Variants in APBA2 observed in about 807,000 individuals in gnomAD.
The protein encoded by APBA2 is amyloid beta precursor protein binding family A member 2, also known as amyloid-beta A4 precursor protein-binding family A member 2.
A neutral mutation model predicts 75.0 loss-of-function variants in APBA2; 30 were observed. The ratio of observed to expected loss-of-function variants is 0.40; its 90% CI spans 0.30 to 0.54. The LOEUF is 0.54. Ranked by LOEUF, APBA2 falls within the 20% of genes least tolerant of loss-of-function variation. The pLI, the probability that APBA2 is intolerant of heterozygous loss-of-function variation, is 0.49. For synonymous variants in APBA2, 444 were observed against 409.6 expected (o/e 1.08, Z -1.01); for missense variants, 801 against 1,016.1 (o/e 0.79, Z 2.88).
At chr15:28,973,351 A>G (rs989399852) in intron 2 of APBA2, among the ~76,000 whole-genome samples, 16 of 152,364 alleles carry the variant, frequency 1.1e-4, no homozygotes, top group Middle Eastern at 6.8e-3. Flanking sequence ...TAGTTGACAC[A>G]TGAAATATTT....
intron 2 of APBA2, among the ~76,000 whole-genome samples, chr15:28,922,319 A>G (rs7178826): frequency 0.19 from 28,533 of 152,134 alleles, 3,887 homozygotes; most frequent in African/African-American, 0.37. Flanking sequence ...CCCAGGCACC[A>G]CCAGTGTGGG....
chr15:29,060,662 C>T (rs1054338332), intron 4 of APBA2, among the ~76,000 whole-genome samples: 10 of 152,154 alleles, frequency 6.6e-5, no homozygotes, highest in African/African-American at 2.2e-4. Context: ...GTAAAATGTC[C>T]CCATCTCAGT....
At position 29,094,151 on chromosome 15, in the gene APBA2, G is replaced by A. The variant is rs750818570; in HGVS notation, c.1216-127G>A. The A allele has an allele frequency of 4.6e-5, 45 of 976,086 alleles. No individual in the cohort carries two copies. In the Middle Eastern group the frequency reaches 6.2e-4, roughly 13 times the overall value. 60.5% of individuals were successfully genotyped at this position (976,086 alleles called of 1,614,324 possible). A position where few individuals can be genotyped will look rare whatever the true frequency, so the allele number is the denominator to read the frequency against. ...TGAAGTGGGCAATGGCTGTCCACCC[G>A]TCCCTGCTGGGCTTTGCTAGGCACC... is the stretch of plus-strand genomic sequence containing the variant. On this transcript the variant is annotated intron_variant, in intron 7 of 14. Transcript: ENST00000683413.
chr15:29,037,016 T>C, intron 3 of APBA2, among the ~76,000 whole-genome samples: 1 of 149,438 alleles, frequency 6.7e-6, no homozygotes, highest in South Asian at 2.1e-4. Context: ...AGAGACCCTG[T>C]CTCCAAAAAA....
intron 1 of APBA2, among the ~76,000 whole-genome samples, chr15:28,898,782 C>A (rs929841659): frequency 5.3e-5 from 8 of 152,140 alleles, no homozygotes; most frequent in Admixed American, 2.0e-4. Flanking sequence ...TCTTCTACTG[C>A]TAGAACAATA....
chr15:28,901,029 C>A (rs2032819788), intron 1 of APBA2, among the ~76,000 whole-genome samples: 2 of 152,186 alleles, frequency 1.3e-5, no homozygotes, highest in Admixed American at 1.3e-4. Context: ...CAGCTCCACA[C>A]CCCGTCCCAT....
intron 3 of APBA2, among the ~76,000 whole-genome samples, chr15:29,051,311 C>T (rs889281584): frequency 2.6e-5 from 4 of 152,064 alleles, no homozygotes; most frequent in African/African-American, 9.7e-5. Context: ...TCAGGGTTTG[C>T]GAATGGGGTG....
intron 8 of APBA2, among the ~76,000 whole-genome samples, chr15:29,095,494 C>T (rs1256033677): frequency 6.6e-6 from 1 of 152,220 alleles, no homozygotes; most frequent in African/African-American, 2.4e-5. Flanking sequence ...TTAGTAAATG[C>T]TAGAGCTTTT....
chr15:28,995,310 C>A (rs2152791964), intron 2 of APBA2, among the ~76,000 whole-genome samples: 1 of 152,310 alleles, frequency 6.6e-6, no homozygotes, highest in African/African-American at 2.4e-5. Context: ...GGTCCTCCTT[C>A]CTCTCTTCAC....
intron 1 of APBA2, among the ~76,000 whole-genome samples, chr15:28,915,634 A>G: frequency 6.7e-6 from 1 of 150,082 alleles, no homozygotes; most frequent in Non-Finnish European, 1.5e-5. Flanking sequence ...CACACACACT[A>G]TACACATACC....
chr15:28,971,786 C>A (rs1433698801), intron 2 of APBA2, among the ~76,000 whole-genome samples: 1 of 152,192 alleles, frequency 6.6e-6, no homozygotes, highest in Non-Finnish European at 1.5e-5. Context: ...TGTTCCTGAG[C>A]AAGCCACACA....
In APBA2 at chr15:29,060,716, A is replaced by G. The variant is rs2042095892; in HGVS notation, c.951+5881A>G. Among the ~76,000 whole-genome samples, 2 of 152,186 alleles carry G rather than the reference A, an allele frequency of 1.3e-5. 1 individual carries two copies. The highest frequency in any genetic ancestry group is 4.1e-4 in the South Asian group (2 of 4,830). On this transcript the variant is annotated intron_variant, in intron 4 of 14. Coordinates refer to ENST00000683413, the MANE Select transcript of APBA2 (RefSeq NM_001353788.2). Reference sequence around the variant, plus strand: ...CACCAGGGCTCAGGCCACAGATCAAACAAGTCAAGTAAAGATTGTTCATGT... The same window carrying G: ...CACCAGGGCTCAGGCCACAGATCAAGCAAGTCAAGTAAAGATTGTTCATGT...
chr15:29,104,584 T>C (rs1353115994), intron 10 of APBA2, among the ~76,000 whole-genome samples: 1 of 152,246 alleles, frequency 6.6e-6, no homozygotes, highest in Non-Finnish European at 1.5e-5. Context: ...TCATGGGGCC[T>C]GTGTGGAGTC....
rs1355322690 is a variant in APBA2 at position 29,067,140 on chromosome 15, G to A, written c.952-7781G>A. On this transcript the variant is annotated intron_variant, in intron 4 of 14. Transcript: ENST00000683413. ...AAAGTAAAACCTCACTTACTACCAA[G>A]GGGATGGCCCACATCATTCATGAAA... Among the ~76,000 whole-genome samples, 32 of 152,142 alleles carry A rather than the reference G, an allele frequency of 2.1e-4. 1 individual carries two copies. The highest frequency in any genetic ancestry group is 1.9e-3 in the Admixed American group (29 of 15,264).
intron 12 of APBA2, among the ~76,000 whole-genome samples, chr15:29,107,853 T>C (rs1353476648): frequency 6.6e-6 from 1 of 152,036 alleles, no homozygotes; most frequent in Admixed American, 6.5e-5. Context: ...GGGCATTGGG[T>C]TTTGAGGAAG....
intron 2 of APBA2, among the ~76,000 whole-genome samples, chr15:28,935,140 C>A (rs745768547): frequency 3.9e-5 from 6 of 152,182 alleles, no homozygotes; most frequent in Non-Finnish European, 7.3e-5. Flanking sequence ...TTCTCCAACA[C>A]TAGGTTTCTT....
chr15:29,038,480 C>T (rs1049107024), intron 3 of APBA2, among the ~76,000 whole-genome samples: 1 of 152,054 alleles, frequency 6.6e-6, no homozygotes, highest in African/African-American at 2.4e-5. Flanking sequence ...CAGTGCTGAA[C>T]CAAATCAGCA....
At position 28,886,112 on chromosome 15, in the gene APBA2, C is replaced by T. The variant is rs1037789862; in HGVS notation, c.-371C>T. Reference sequence around the variant, plus strand: ...GGCCCTGCGTGCCGTACGCTGCGTCCGGGGCGCGCCCGCCGCTATTCGGGA... The same window carrying T: ...GGCCCTGCGTGCCGTACGCTGCGTCTGGGGCGCGCCCGCCGCTATTCGGGA... On this transcript the variant is annotated 5_prime_UTR_variant, in exon 1 of 15. Coordinates refer to ENST00000683413, the MANE Select transcript of APBA2 (RefSeq NM_001353788.2). The T allele has an allele frequency of 1.3e-5, 2 of 149,862 alleles. No individual in the cohort carries two copies. Among genetic ancestry groups the T allele is most frequent in the Admixed American group, 6.6e-5 (1 of 15,052 alleles). The allele number at this position is 149,862 out of a possible 1,614,324, so 9.3% of individuals were successfully genotyped here. A position where few individuals can be genotyped will look rare whatever the true frequency, so the allele number is the denominator to read the frequency against.
At chr15:28,957,717 C>T (rs1322320572) in intron 2 of APBA2, among the ~76,000 whole-genome samples, 1 of 152,108 alleles carries the variant, frequency 6.6e-6, no homozygotes, top group Non-Finnish European at 1.5e-5. Flanking sequence ...GGTGGGGAGG[C>T]GCGTGCCGAG....
Sources: allele counts gnomAD v4.1 joint callset (sites outside exome capture counted in the v4.1 genomes callset), GRCh38; gene constraint gnomAD v4.1.1; transcripts MANE v1.5; gene names NCBI Gene and HGNC (gene_info 2026-07-23, HGNC 2026-07-21).